The following PDE1C variants were observed in gnomAD, a reference collection of about 807,000 sequenced individuals.
PDE1C encodes the protein phosphodiesterase 1C.
PDE1C carries 62 observed loss-of-function variants against 93.1 expected under a neutral mutation model. The ratio of observed to expected loss-of-function variants is 0.67; its 90% CI spans 0.54 to 0.82. The LOEUF (loss-of-function observed/expected upper bound fraction) is 0.82, where lower values mean the gene tolerates loss of function less well. Ranked by LOEUF, PDE1C falls within the 40% of genes least tolerant of loss-of-function variation. PDE1C has a pLI of 0.00. For missense variants in PDE1C, 742 were observed against 884.6 expected (o/e 0.84, Z 2.04); for synonymous variants, 325 against 310.1 (o/e 1.05, Z -0.50).
At chr7:31,643,218 C>G in the PDE1C span, 3 of 1,613,876 alleles carry the variant, frequency 1.9e-6, no homozygotes, top group Non-Finnish European at 2.5e-6. Flanking sequence ...ACTCTGAGGC[C>G]CCACGAGAAG....
At chr7:31,745,305 T>A in the PDE1C span, among the ~76,000 whole-genome samples, 1 of 152,200 alleles carries the variant, frequency 6.6e-6, no homozygotes, top group African/African-American at 2.4e-5. Flanking sequence ...ACATTTCCCA[T>A]CCCTATCTTG....
chr7:31,663,680 G>A, the PDE1C span, among the ~76,000 whole-genome samples: 2 of 152,114 alleles, frequency 1.3e-5, no homozygotes, highest in South Asian at 2.1e-4. Context: ...AACATAGCAT[G>A]TATTTATGCC....
chr7:31,773,634 T>C (rs997284196), intron 17 of PDE1C, among the ~76,000 whole-genome samples: 2 of 152,068 alleles, frequency 1.3e-5, no homozygotes, highest in African/African-American at 4.8e-5. Context: ...AGCAAGTCTG[T>C]AGAGTTGAAA....
chr7:31,797,483 G>C (rs1486544254), intron 16 of PDE1C, among the ~76,000 whole-genome samples: 1 of 151,734 alleles, frequency 6.6e-6, no homozygotes, highest in Non-Finnish European at 1.5e-5. Flanking sequence ...CACTAGTGAA[G>C]TATATTACAA....
At chr7:31,738,675 G>A in the PDE1C span, among the ~76,000 whole-genome samples, 3 of 152,220 alleles carry the variant, frequency 2.0e-5, no homozygotes, top group African/African-American at 7.2e-5. Context: ...GGGCCAGGAG[G>A]GCAGCAAGCC....
intron 3 of PDE1C, among the ~76,000 whole-genome samples, chr7:32,146,536 G>T (rs1800847747): frequency 6.6e-6 from 1 of 152,106 alleles, no homozygotes; most frequent in African/African-American, 2.4e-5. Flanking sequence ...CACTCATCAG[G>T]ATACCTTTGA....
intron 3 of PDE1C, among the ~76,000 whole-genome samples, chr7:32,112,842 G>GTATATATATATA (rs1162721455): frequency 2.0e-5 from 1 of 50,666 alleles, no homozygotes; most frequent in African/African-American, 9.5e-5. Context: ...GTGTGTGTGT[G>GTATATATATATA]TGTGTATATA....
intron 1 of PDE1C, among the ~76,000 whole-genome samples, chr7:32,354,408 C>T (rs1194576139): frequency 6.6e-6 from 1 of 152,110 alleles, no homozygotes; most frequent in African/African-American, 2.4e-5. Context: ...AAGAGAATCA[C>T]TTGAGGCCAG....
Position 32,027,080 on chromosome 7 carries a change from C to T in PDE1C, c.128+24474G>A, listed in dbSNP as rs151267605. On this transcript the variant is annotated intron_variant, in intron 2 of 17. Coordinates refer to ENST00000396191, the MANE Select transcript of PDE1C (RefSeq NM_001191057.4). Reference sequence around the variant, plus strand: ...AGTGAAATTGCTTTGTATAACACAACGATAATAGATACATTTCATTATAAA... The same window carrying T: ...AGTGAAATTGCTTTGTATAACACAATGATAATAGATACATTTCATTATAAA... Among the ~76,000 whole-genome samples, 346 of 152,086 alleles carry T rather than the reference C, an allele frequency of 2.3e-3. 2 individuals carry two copies. Among genetic ancestry groups the T allele is most frequent in the African/African-American group, 8.0e-3 (330 of 41,482 alleles).
Position 32,196,410 on chromosome 7 carries a change from A to G in PDE1C, c.136+13079T>C, listed in dbSNP as rs574021495. ...TTTTTGGGTACCTGTTGTCATTTCC[A>G]GGTTTTTATCTTTTTCAGCTCGAAG... On this transcript the variant is annotated intron_variant, in intron 2 of 18. Coordinates refer to the PDE1C transcript ENST00000396193. Among the ~76,000 whole-genome samples the G allele has an allele frequency of 2.9e-3, 439 of 152,118 alleles. 1 individual carries two copies. Among genetic ancestry groups the G allele is most frequent in the African/African-American group, 9.9e-3 (409 of 41,488 alleles).
At chr7:31,803,297 A>T (rs1786307554) in intron 16 of PDE1C, among the ~76,000 whole-genome samples, 1 of 151,820 alleles carries the variant, frequency 6.6e-6, no homozygotes, top group African/African-American at 2.4e-5. Context: ...CTACTTCTGA[A>T]CATATGGGCT....
At chr7:31,632,636 A>G in the PDE1C span, among the ~76,000 whole-genome samples, 1 of 152,142 alleles carries the variant, frequency 6.6e-6, no homozygotes, top group Non-Finnish European at 1.5e-5. Flanking sequence ...TTCTGACTAA[A>G]CTAACACAAC....
chr7:32,020,594 G>A (rs936518439), intron 2 of PDE1C, among the ~76,000 whole-genome samples: 1 of 151,930 alleles, frequency 6.6e-6, no homozygotes, highest in Non-Finnish European at 1.5e-5. Flanking sequence ...AGAAAACACA[G>A]ATACTTATTT....
chr7:31,991,459 C>T (rs547950247), intron 2 of PDE1C, among the ~76,000 whole-genome samples: 2 of 152,340 alleles, frequency 1.3e-5, no homozygotes, highest in African/African-American at 4.8e-5. Flanking sequence ...TTACCAGTTA[C>T]TAGCTCTGCA....
chr7:31,788,688 T>C (rs1255237008), intron 16 of PDE1C: 2 of 152,222 alleles, frequency 1.3e-5, no homozygotes, highest in Non-Finnish European at 2.9e-5. Context: ...CTGAAGTCAT[T>C]TGAATTTCTG....
intron 16 of PDE1C, among the ~76,000 whole-genome samples, chr7:31,782,175 T>C (rs905542289): frequency 6.6e-6 from 1 of 152,188 alleles, no homozygotes; most frequent in Admixed American, 6.5e-5. Context: ...CAGAATAAAA[T>C]ATTATGCTGC....
chr7:31,639,086 A>G, the PDE1C span, among the ~76,000 whole-genome samples: 1 of 151,908 alleles, frequency 6.6e-6, no homozygotes, highest in Non-Finnish European at 1.5e-5. Context: ...CAGTAATTTG[A>G]TTTTCATGTG....
the PDE1C span, among the ~76,000 whole-genome samples, chr7:31,637,853 G>A: frequency 2.0e-5 from 3 of 152,210 alleles, no homozygotes; most frequent in East Asian, 5.8e-4. Context: ...TTTCTTCTAG[G>A]GTTTTTATGG....
intron 3 of PDE1C, among the ~76,000 whole-genome samples, chr7:32,124,847 G>T (rs908567046): frequency 6.6e-6 from 1 of 152,116 alleles, no homozygotes; most frequent in South Asian, 2.1e-4. Context: ...AAAAGCAATT[G>T]CAACAAGAGC....
Sources: gnomAD v4.1 joint callset for allele counts (sites outside exome capture counted in the v4.1 genomes callset) on GRCh38, gnomAD v4.1.1 for gene constraint, MANE v1.5 for transcripts, NCBI Gene and HGNC (gene_info 2026-07-23, HGNC 2026-07-21) for gene names.